NFIB: variants seen among roughly 807,000 people sequenced by gnomAD.
NFIB encodes the protein nuclear factor I B.
Under a neutral mutation model 61.5 loss-of-function variants are expected in NFIB, and 11 were observed. The ratio of observed to expected loss-of-function variants is 0.18; its 90% CI spans 0.11 to 0.30. The LOEUF is 0.30. Among genes scored for constraint, NFIB ranks in the 10% least tolerant of loss-of-function variants. The probability of loss-of-function intolerance (pLI) is 1.00; values close to 1 mark genes in which losing one functional copy is unlikely to be tolerated. For synonymous variants in NFIB, 260 were observed against 216.5 expected (o/e 1.20, Z -1.76); for missense variants, 471 against 608.9 (o/e 0.77, Z 2.38).
the NFIB span, among the ~76,000 whole-genome samples, chr9:14,427,959 T>TTTTTTTG: frequency 7.8e-6 from 1 of 128,838 alleles, no homozygotes. Context: ...TTTTTTTTTT[T>TTTTTTTG]TTTTTGGCAG....
chr9:14,421,805 C>T, the NFIB span, among the ~76,000 whole-genome samples: 2 of 152,166 alleles, frequency 1.3e-5, no homozygotes, highest in African/African-American at 4.8e-5. Context: ...AAAGCATACC[C>T]AATTCTTCTA....
At chr9:14,341,260 G>A (rs556872816) in intron 1 of NFIB, among the ~76,000 whole-genome samples, 31 of 152,286 alleles carry the variant, frequency 2.0e-4, no homozygotes, top group Admixed American at 4.6e-4. Context: ...TAGAGTACCC[G>A]TGCTTGGTTG....
chr9:14,489,493 T>C, the NFIB span, among the ~76,000 whole-genome samples: 9 of 151,996 alleles, frequency 5.9e-5, no homozygotes, highest in Non-Finnish European at 2.9e-5. Context: ...ATTCACTCAT[T>C]TTTTTTTCAT....
At chr9:14,386,554 G>A (rs1162111649) in intron 1 of NFIB, among the ~76,000 whole-genome samples, 2 of 152,138 alleles carry the variant, frequency 1.3e-5, no homozygotes, top group African/African-American at 2.4e-5. Flanking sequence ...CTCATAAAGG[G>A]GGGAGAAATA....
chr9:14,217,660 C>CAGAAAAAAAA (rs2051088242), intron 2 of NFIB, among the ~76,000 whole-genome samples: 1 of 81,522 alleles, frequency 1.2e-5, no homozygotes, highest in Non-Finnish European at 2.3e-5. Context: ...AACTCCATCT[C>CAGAAAAAAAA]AAAAAAAAAA....
intron 2 of NFIB, among the ~76,000 whole-genome samples, chr9:14,187,154 T>G (rs188084946): frequency 6.6e-6 from 1 of 150,434 alleles, no homozygotes; most frequent in African/African-American, 2.5e-5. Flanking sequence ...TTATTTGGAG[T>G]CCACTTCACT....
the NFIB span, among the ~76,000 whole-genome samples, chr9:14,520,166 C>G: frequency 4.6e-5 from 7 of 151,986 alleles, no homozygotes; most frequent in Non-Finnish European, 7.4e-5. Context: ...AAAAATAACT[C>G]TTTAGGAAAT....
intron 2 of NFIB, among the ~76,000 whole-genome samples, chr9:14,219,314 G>C (rs1390491036): frequency 7.9e-6 from 1 of 127,114 alleles, no homozygotes; most frequent in South Asian, 2.6e-4. Flanking sequence ...CTATTATATA[G>C]ATTGACAAAT....
At chr9:14,166,914 T>C (rs1220623299) in intron 3 of NFIB, among the ~76,000 whole-genome samples, 1 of 152,192 alleles carries the variant, frequency 6.6e-6, no homozygotes, top group Admixed American at 6.5e-5. Flanking sequence ...ATTGAAGCTA[T>C]TCTTTTGTAG....
the NFIB span, among the ~76,000 whole-genome samples, chr9:14,489,689 A>G: frequency 6.6e-6 from 1 of 152,166 alleles, no homozygotes. Flanking sequence ...ACAAAAATAA[A>G]TCACATTTTA....
intron 1 of NFIB, among the ~76,000 whole-genome samples, chr9:14,331,599 G>A (rs1394821981): frequency 6.6e-6 from 1 of 152,214 alleles, no homozygotes; most frequent in African/African-American, 2.4e-5. Flanking sequence ...GCATGTCAAT[G>A]TAAGAAGGTT....
intron 8 of NFIB, among the ~76,000 whole-genome samples, chr9:14,117,097 A>C (rs2038256352): frequency 6.6e-6 from 1 of 152,244 alleles, no homozygotes; most frequent in Admixed American, 6.5e-5. Context: ...AAAGATTTCC[A>C]AAGTAAATTA....
At chr9:14,266,406 C>T (rs946350483) in intron 2 of NFIB, among the ~76,000 whole-genome samples, 1 of 151,930 alleles carries the variant, frequency 6.6e-6, no homozygotes, top group Admixed American at 6.6e-5. Context: ...GCCTGTGCAA[C>T]ATAGTGAGAC....
intron 2 of NFIB, among the ~76,000 whole-genome samples, chr9:14,202,913 A>G (rs561875965): frequency 6.6e-6 from 1 of 152,344 alleles, no homozygotes; most frequent in South Asian, 2.1e-4. Context: ...GTTGAATGCT[A>G]CTTACATAGA....
intron 10 of NFIB, chr9:14,102,314 C>T: frequency 1.0e-6 from 1 of 961,976 alleles, no homozygotes; most frequent in Non-Finnish European, 1.5e-6. Context: ...ATAGCCAAAA[C>T]AACTAAATTT....
chr9:14,130,765 A>T (rs921839936), intron 6 of NFIB, among the ~76,000 whole-genome samples: 5 of 152,324 alleles, frequency 3.3e-5, no homozygotes, highest in East Asian at 3.9e-4. Context: ...CTGGCATGTG[A>T]AAGAAACTGT....
intron 1 of NFIB, among the ~76,000 whole-genome samples, chr9:14,331,621 C>G (rs560747644): frequency 2.6e-5 from 4 of 152,142 alleles, no homozygotes; most frequent in Non-Finnish European, 4.4e-5. Flanking sequence ...TATTCATTCT[C>G]CAGTATGTTC....
intron 2 of NFIB, among the ~76,000 whole-genome samples, chr9:14,278,329 A>ATT (rs560984240): frequency 5.0e-4 from 76 of 152,342 alleles, no homozygotes; most frequent in African/African-American, 1.7e-3. Flanking sequence ...ACAGTGGTCC[A>ATT]TTGTTAATTG....
chr9:14,416,979 G>A, the NFIB span, among the ~76,000 whole-genome samples: 93 of 146,024 alleles, frequency 6.4e-4, no homozygotes, highest in African/African-American at 1.8e-3. Context: ...TGCAACCTCC[G>A]CCTCTCGGGT....
Sources: allele counts gnomAD v4.1 joint callset (sites outside exome capture counted in the v4.1 genomes callset), GRCh38; gene constraint gnomAD v4.1.1; transcripts MANE v1.5; gene names NCBI Gene and HGNC (gene_info 2026-07-23, HGNC 2026-07-21).